WDR75: variants seen among roughly 807,000 people sequenced by gnomAD.
The protein encoded by WDR75 is WD repeat domain 75.
A neutral mutation model predicts 106.1 loss-of-function variants in WDR75; 52 were observed. That is an observed-to-expected ratio of 0.49 (90% confidence interval 0.39 to 0.62). The LOEUF (loss-of-function observed/expected upper bound fraction) is 0.62, where lower values mean the gene tolerates loss of function less well. WDR75 is among the 20% of genes least tolerant of loss of function. The pLI, the probability that WDR75 is intolerant of heterozygous loss-of-function variation, is 0.00. For synonymous variants in WDR75, 333 were observed against 335.5 expected (o/e 0.99, Z 0.08); for missense variants, 905 against 970.3 (o/e 0.93, Z 0.89).
In WDR75 at chr2:189,455,447, A is replaced by G. The variant is rs769723011; in HGVS notation, c.498+3A>G. On this transcript the variant is annotated splice_donor_region_variant and intron_variant, in intron 5 of 20. Coordinates refer to ENST00000314761, the MANE Select transcript of WDR75 (RefSeq NM_032168.3). ...AGTGCATTGCCTTTGGAAACGAGGT[A>G]AATTTTGTTTTGTTCGTTTTCTGTT... The G allele has an allele frequency of 6.2e-7, 1 of 1,604,010 alleles. No homozygotes were observed. Among genetic ancestry groups the G allele is most frequent in the Admixed American group, 1.7e-5 (1 of 57,326 alleles).
chr2:189,453,218 C>T (rs965829484), intron 4 of WDR75, among the ~76,000 whole-genome samples: 3 of 152,138 alleles, frequency 2.0e-5, no homozygotes, highest in South Asian at 2.1e-4. Context: ...ATGTTGAATA[C>T]GTGGATTTCT....
intron 1 of WDR75, among the ~76,000 whole-genome samples, chr2:189,444,346 C>T (rs1171196234): frequency 6.6e-6 from 1 of 152,132 alleles, no homozygotes; most frequent in Non-Finnish European, 1.5e-5. Flanking sequence ...AAACTCTGTT[C>T]TAGGTACTTG....
chr2:189,446,976 G>A (rs1020838953), intron 1 of WDR75, among the ~76,000 whole-genome samples: 5 of 152,186 alleles, frequency 3.3e-5, no homozygotes, highest in Admixed American at 2.6e-4. Context: ...ACGGGCAGGT[G>A]TGTCTACAGC....
chr2:189,449,714 T>C (rs1225232713), intron 2 of WDR75: 1 of 988,408 alleles, frequency 1.0e-6, no homozygotes, highest in African/African-American at 1.7e-5. Context: ...ATGTTTGACT[T>C]GTTACATTTT....
chr2:189,458,645 G>T, intron 6 of WDR75, 108 bp from the exon 7 acceptor site: 2 of 895,810 alleles, frequency 2.2e-6, no homozygotes, highest in Non-Finnish European at 3.1e-6. Flanking sequence ...TGAATTCTGA[G>T]CTCTACAATT....
chr2:189,470,439 A>G (rs1432805554), intron 17 of WDR75, among the ~76,000 whole-genome samples, 194 bp downstream of exon 17: 1 of 152,124 alleles, frequency 6.6e-6, no homozygotes, highest in Non-Finnish European at 1.5e-5. Flanking sequence ...CACACTTTTG[A>G]GGTTCCTTAG....
At chr2:189,471,855 G>T (rs1219061571) in intron 18 of WDR75, among the ~76,000 whole-genome samples, 1 of 152,128 alleles carries the variant, frequency 6.6e-6, no homozygotes, top group East Asian at 1.9e-4. Flanking sequence ...TTAAGACCTT[G>T]CATGTTTGGA....
chr2:189,448,663 C>T, intron 2 of WDR75, 155 bp downstream of exon 2: 1 of 928,510 alleles, frequency 1.1e-6, no homozygotes, highest in Non-Finnish European at 1.7e-6. Context: ...ATTACATTGC[C>T]TATAGCATAT....
chr2:189,455,778 A>G (rs1480217505), intron 5 of WDR75, among the ~76,000 whole-genome samples: 1 of 152,210 alleles, frequency 6.6e-6, no homozygotes, highest in East Asian at 1.9e-4. Flanking sequence ...AAATATAATG[A>G]GGAAATAAAA....
In WDR75 at chr2:189,464,831, G is replaced by A. The variant is rs146549906; in HGVS notation, c.1114-248G>A. Among the ~76,000 whole-genome samples the A allele has an allele frequency of 8.6e-3, 1,313 of 152,076 alleles. 25 individuals are homozygous for A. The highest frequency in any genetic ancestry group is 0.03 in the African/African-American group (1,244 of 41,482). ...TATCATATAGTGGGTGTTAGTAATCGCTAATATTCAAGGTCATTGAAGAAT... is the reference window on the plus strand; with the variant it reads ...TATCATATAGTGGGTGTTAGTAATCACTAATATTCAAGGTCATTGAAGAAT... On this transcript the variant is annotated intron_variant, in intron 11 of 20. Transcript: ENST00000314761.
intron 16 of WDR75, 82 bp from the exon 17 acceptor site, chr2:189,469,992 CAG>C: frequency 8.0e-7 from 1 of 1,246,020 alleles, no homozygotes; most frequent in Non-Finnish European, 1.1e-6. Flanking sequence ...GGGTGAGTCC[CAG>C]GATTAGTGTG....
chr2:189,475,156 A>G (rs1232759286), intron 20 of WDR75, 57 bp from the exon 21 acceptor site: 12 of 1,320,216 alleles, frequency 9.1e-6, no homozygotes, highest in Non-Finnish European at 1.2e-5. Context: ...TCAAATTAGA[A>G]AGTTACTGTT....
intron 5 of WDR75, 41 bp from the exon 6 acceptor site, chr2:189,457,270 G>T: frequency 7.8e-7 from 1 of 1,289,790 alleles, no homozygotes; most frequent in Non-Finnish European, 1.1e-6. Flanking sequence ...AAAGAGTGTT[G>T]ACTATTTTTG....
chr2:189,442,426 T>G (rs1574183543), intron 1 of WDR75, among the ~76,000 whole-genome samples: 1 of 147,236 alleles, frequency 6.8e-6, no homozygotes, highest in Admixed American at 6.8e-5. Context: ...TGAAAGTTTG[T>G]AGCCTCCACA....
At chr2:189,441,722 C>T in intron 1 of WDR75, 144 bp downstream of exon 1, 1 of 924,028 alleles carries the variant, frequency 1.1e-6, no homozygotes, top group Admixed American at 2.2e-5. Context: ...TGGGGGATCC[C>T]CAGGGTACCT....
intron 1 of WDR75, among the ~76,000 whole-genome samples, chr2:189,445,764 C>G (rs1160540330): frequency 6.6e-6 from 1 of 152,120 alleles, no homozygotes; most frequent in Non-Finnish European, 1.5e-5. Flanking sequence ...TGCAGGAACT[C>G]TGTAATTCTT....
chr2:189,451,591 G>A (rs1686622996), intron 3 of WDR75, among the ~76,000 whole-genome samples: 1 of 152,200 alleles, frequency 6.6e-6, no homozygotes, highest in Admixed American at 6.5e-5. Flanking sequence ...TTAAAATTAT[G>A]ATACATTCAG....
intron 18 of WDR75, among the ~76,000 whole-genome samples, chr2:189,471,997 C>A (rs765298765): frequency 1.2e-4 from 18 of 152,122 alleles, no homozygotes; most frequent in Non-Finnish European, 2.1e-4. Context: ...CATTCTTGTT[C>A]TTGTTCCTTT....
chr2:189,448,643 C>T (rs2106112400), intron 2 of WDR75, 135 bp downstream of exon 2: 5 of 1,174,742 alleles, frequency 4.3e-6, no homozygotes, highest in Non-Finnish European at 6.1e-6. Context: ...GGGTATTTTC[C>T]ACTTGCTAAA....
Sources: allele counts gnomAD v4.1 joint callset (sites outside exome capture counted in the v4.1 genomes callset), GRCh38; gene constraint gnomAD v4.1.1; transcripts MANE v1.5; gene names NCBI Gene and HGNC (gene_info 2026-07-23, HGNC 2026-07-21).